ACIN1: variants seen among roughly 807,000 people sequenced by gnomAD.
The protein encoded by ACIN1 is apoptotic chromatin condensation inducer 1, also known as apoptotic chromatin condensation inducer in the nucleus.
ACIN1 carries 16 observed loss-of-function variants against 146.6 expected under a neutral mutation model. The observed-to-expected ratio is 0.11, with a 90% CI of 0.07 to 0.17. The LOEUF (loss-of-function observed/expected upper bound fraction) is 0.17, where lower values mean the gene tolerates loss of function less well. ACIN1 is among the 10% of genes least tolerant of loss of function. ACIN1 has a pLI of 1.00. For missense variants in ACIN1, 1,357 were observed against 1,609.3 expected, an observed-to-expected ratio of 0.84 and a Z score of 2.68; for synonymous variants, 569 against 582.7, an observed-to-expected ratio of 0.98 and a Z score of 0.34.
At chr14:23,094,517 T>C (rs887964525) in intron 1 of ACIN1, 2 of 984,928 alleles carry the variant, frequency 2.0e-6, no homozygotes, top group East Asian at 1.1e-4. Context: ...GAGCAGACAT[T>C]TTACCCTACC....
intron 12 of ACIN1, 82 bp downstream of exon 12, chr14:23,064,023 G>C: frequency 6.4e-7 from 1 of 1,568,594 alleles, no homozygotes; most frequent in Non-Finnish European, 8.7e-7. Context: ...TCCCTCCAAA[G>C]ACTTTATCTC....
At chr14:23,085,212 G>A (rs1317678739) in intron 4 of ACIN1, among the ~76,000 whole-genome samples, 1 of 152,078 alleles carries the variant, frequency 6.6e-6, no homozygotes, top group East Asian at 1.9e-4. Context: ...GCGGGTGCCT[G>A]CAGTCCCAGC....
In ACIN1 at chr14:23,094,881, G is replaced by A. The variant is rs1198825038; in HGVS notation, c.138+94C>T. The A allele has an allele frequency of 2.0e-6, 3 of 1,477,900 alleles. No homozygotes were observed. In the Admixed American group the frequency reaches 6.8e-5, roughly 33 times the overall value. 91.5% of individuals were successfully genotyped at this position (1,477,900 alleles called of 1,614,324 possible). Reference sequence around the variant, plus strand: ...TCGCGCTGGCGGCCTGAGCGAGCTCGCGCCGAGCCCGGATACTGCGCCTGC... The same window carrying A: ...TCGCGCTGGCGGCCTGAGCGAGCTCACGCCGAGCCCGGATACTGCGCCTGC... On this transcript the variant is annotated intron_variant, in intron 1 of 18. Transcript: ENST00000605057.
At chr14:23,073,862 G>A (rs113171831) in intron 8 of ACIN1, among the ~76,000 whole-genome samples, 3,112 of 141,558 alleles carry the variant, frequency 0.022, 119 homozygotes, top group African/African-American at 0.079. Flanking sequence ...TTTTTGAGAC[G>A]GAGTCTCACT....
chr14:23,059,573 CA>C (rs2047201119), intron 18 of ACIN1, 99 bp from the exon 19 acceptor site: 1 of 886,560 alleles, frequency 1.1e-6, no homozygotes, highest in Admixed American at 1.9e-5. Flanking sequence ...GTCAGCTTTT[CA>C]GTTAAACAGG....
intron 8 of ACIN1, chr14:23,071,126 C>A: frequency 6.4e-7 from 1 of 1,551,798 alleles, no homozygotes; most frequent in Non-Finnish European, 8.7e-7. Context: ...AGCTCTCACC[C>A]TTCTTTGCTT....
chr14:23,069,338 G>A (rs2047556749), intron 9 of ACIN1, 138 bp downstream of exon 9: 1 of 1,442,150 alleles, frequency 6.9e-7, no homozygotes, highest in Non-Finnish European at 9.1e-7. Flanking sequence ...TTCTCCCTTG[G>A]CCCTATTCTG....
chr14:23,068,513 C>T lies in ACIN1; in HGVS notation c.2265+963G>A. On this transcript the variant is annotated intron_variant, in intron 9 of 18. Coordinates refer to ENST00000605057, the MANE Select transcript of ACIN1 (RefSeq NM_001386863.1). The surrounding 1 kb of genome is among the most constrained non-coding windows in gnomAD (Gnocchi z 4.3). ...CAAAAGGGGGCCCATCACAGGAGCC[C>T]ATATACATGCCCCCCTCTGGCCAAG... 1 of 985,926 alleles carries T rather than the reference C, an allele frequency of 1.0e-6. No individual in the cohort carries two copies. Among genetic ancestry groups the T allele is most frequent in the African/African-American group, 1.7e-5 (1 of 57,368 alleles). 61.1% of individuals were successfully genotyped at this position (985,926 alleles called of 1,614,324 possible).
intron 8 of ACIN1, among the ~76,000 whole-genome samples, chr14:23,072,127 G>T (rs143792225): frequency 3.3e-5 from 5 of 152,120 alleles, no homozygotes; most frequent in African/African-American, 1.2e-4. Context: ...TGCTCACCCC[G>T]GCAATGACCA....
chr14:23,079,977 T>C lies in ACIN1; in HGVS notation c.1358A>G (p.Asp453Gly), dbSNP rs1594772551. The C allele has an allele frequency of 6.2e-7, 1 of 1,614,124 alleles. No individual in the cohort carries two copies. The highest frequency in any genetic ancestry group is 8.5e-7 in the Non-Finnish European group (1 of 1,180,042). Reference sequence around the variant, plus strand: ...TTCAAGATCCTTCTGGGCTGAGTAGTCAGCCAGTGTGCTTTTCTGAACCAG... The same window carrying C: ...TTCAAGATCCTTCTGGGCTGAGTAGCCAGCCAGTGTGCTTTTCTGAACCAG... ...LPLVQKSTLADYSAQKDLEPE... is the reference protein window; with the variant it reads ...LPLVQKSTLAGYSAQKDLEPE... Residue 453 changes from aspartate to glycine, a missense_variant, in exon 6 of 19, where the codon GAC (aspartate) becomes GGC (glycine). Around this residue, in one of 4 missense-constraint regions of ACIN1, gnomAD observed 771 missense variants for 746.6 expected, o/e 1.03. Transcript: ENST00000605057.
At chr14:23,075,757 T>G (rs1162646570) in intron 8 of ACIN1, among the ~76,000 whole-genome samples, 1 of 150,950 alleles carries the variant, frequency 6.6e-6, no homozygotes, top group Non-Finnish European at 1.5e-5. Flanking sequence ...CAGGCTGGAG[T>G]GCAATGGCGT....
rs1470926971 is a variant in ACIN1, at chr14:23,067,772, G to A, written c.2265+1704C>T. The A allele has an allele frequency of 3.0e-6, 3 of 985,824 alleles. No individual in the cohort carries two copies. The highest frequency in any genetic ancestry group is 3.6e-6 in the Non-Finnish European group (3 of 830,004). The allele number at this position is 985,824 out of a possible 1,614,324, so 61.1% of individuals were successfully genotyped here. On this transcript the variant is annotated intron_variant, in intron 9 of 18. Coordinates refer to ENST00000605057, the MANE Select transcript of ACIN1 (RefSeq NM_001386863.1). This position sits in a 1 kb window ranked among gnomAD's most constrained non-coding sequence, Gnocchi z 4.6. ...ACACCACCCAATACTTGGAATCCAG[G>A]TGATGACTCCAGAGTCCCTTTCTCC...
Position 23,093,461 on chromosome 14 carries a change from A to ATAC in ACIN1, c.204+15_204+17dup, listed in dbSNP as rs1391177029. On this transcript the variant is annotated intron_variant, in intron 2 of 18. Coordinates refer to ENST00000605057, the MANE Select transcript of ACIN1 (RefSeq NM_001386863.1). ...ATATCCAAAGGGCCCACTCCATTGA[A>ATAC]TACACCTTCTTTCTCACCTGGGAAT... The ATAC allele has an allele frequency of 6.2e-7, 1 of 1,611,232 alleles. No homozygotes were observed. The highest frequency in any genetic ancestry group is 8.5e-7 in the Non-Finnish European group (1 of 1,177,422).
chr14:23,066,113 C>A, intron 9 of ACIN1, 105 bp from the exon 10 acceptor site: 1 of 843,258 alleles, frequency 1.2e-6, no homozygotes, highest in Non-Finnish European at 1.9e-6. Context: ...TCCAAAGACA[C>A]AGATAGAGTG....
upstream of ACIN1, chr14:23,095,187 T>A: frequency 1.2e-6 from 2 of 1,614,206 alleles, no homozygotes; most frequent in East Asian, 4.5e-5. Context: ...CCTTCGAACG[T>A]ACCGAGATGA....
chr14:23,062,912 G>T lies in ACIN1; in HGVS notation c.2883+17C>A. On this transcript the variant is annotated intron_variant, in intron 14 of 18. Coordinates refer to ENST00000605057, the MANE Select transcript of ACIN1 (RefSeq NM_001386863.1). ...TAACCACTAAGCAAGCTGGGATGGT[G>T]AGAAACAATGACTTACCAAATTGGA... 6.3e-7 allele frequency: 1 copy of T among 1,595,040 alleles called. No individual in the cohort carries two copies. The highest frequency in any genetic ancestry group is 1.1e-5 in the South Asian group (1 of 88,012).
Position 23,067,860 on chromosome 14 carries a change from T to C in ACIN1, c.2265+1616A>G, listed in dbSNP as rs1022346505. The C allele has an allele frequency of 1.0e-6, 1 of 985,600 alleles. No homozygotes were observed. Among genetic ancestry groups the C allele is most frequent in the African/African-American group, 1.7e-5 (1 of 57,150 alleles). 61.1% of individuals were successfully genotyped at this position (985,600 alleles called of 1,614,324 possible). A position where few individuals can be genotyped will look rare whatever the true frequency, so the allele number is the denominator to read the frequency against. On this transcript the variant is annotated intron_variant, in intron 9 of 18. Transcript: ENST00000605057. The surrounding 1 kb of genome is among the most constrained non-coding windows in gnomAD (Gnocchi z 4.6). ...GGGATCATGGAGCCTCTGATGAAGG[T>C]AGCCTGGGGGTAGGTGAATACCCCA... is the stretch of plus-strand genomic sequence containing the variant.
At chr14:23,083,168 AG>A (rs1316275218) in intron 4 of ACIN1, among the ~76,000 whole-genome samples, 1 of 152,116 alleles carries the variant, frequency 6.6e-6, no homozygotes, top group Non-Finnish European at 1.5e-5. Flanking sequence ...AATTCCATGA[AG>A]GAAGGTAACT....
chr14:23,093,805 CATA>C (rs1276614395), intron 1 of ACIN1, among the ~76,000 whole-genome samples: 1 of 152,290 alleles, frequency 6.6e-6, no homozygotes, highest in African/African-American at 2.4e-5. Context: ...CTGGCTATGT[CATA>C]ATATCAGTAA....
Sources: allele counts gnomAD v4.1 joint callset (sites outside exome capture counted in the v4.1 genomes callset), GRCh38; gene constraint gnomAD v4.1.1; regional missense constraint gnomAD v4.1.1; non-coding constraint Gnocchi (gnomAD v3.1); transcripts MANE v1.5; gene names NCBI Gene and HGNC (gene_info 2026-07-23, HGNC 2026-07-21).